Variants in MICA observed in about 807,000 individuals in gnomAD.
MICA encodes HLA class I antigen.
Under a neutral mutation model 34.3 loss-of-function variants are expected in MICA, and 18 were observed. The ratio of observed to expected loss-of-function variants is 0.52; its 90% CI spans 0.36 to 0.78. The LOEUF (loss-of-function observed/expected upper bound fraction) is 0.78. MICA is among the 30% of genes least tolerant of loss of function. MICA has a pLI of 0.00. For missense variants in MICA, 333 were observed against 409.4 expected (o/e 0.81, Z 1.61); for synonymous variants, 135 against 156.9 (o/e 0.86, Z 1.04).
At chr6:31,413,420 C>T (rs188307346) in intron 5 of MICA, among the ~76,000 whole-genome samples, 3 of 152,048 alleles carry the variant, frequency 2.0e-5, no homozygotes, top group East Asian at 3.9e-4. Context: ...AAGGTGGTCA[C>T]TGCCTGGTAA....
In MICA at chr6:31,411,016, TTGGGTGGAAAGGTGA is replaced by T; in HGVS notation, c.326-50_326-36del. On this transcript the variant is annotated intron_variant, in intron 2 of 5. Coordinates refer to ENST00000449934, the MANE Select transcript of MICA (RefSeq NM_001177519.3). This position sits in a 1 kb window ranked among gnomAD's most constrained non-coding sequence, Gnocchi z 4.3. ...ATACCCCCTGGGCTGAGTTCCTCAC[TTGGGTGGAAAGGTGA>T]TGGGTTCGGGAATGGAGAAGTCACT... is the stretch of plus-strand genomic sequence containing the variant. 6.6e-7 allele frequency: 1 copy of T among 1,508,334 alleles called. No individual in the cohort carries two copies. 93.4% of individuals were successfully genotyped at this position (1,508,334 alleles called of 1,614,324 possible).
Position 31,411,264 on chromosome 6 carries a change from C to T in MICA, c.518C>T (p.Ala173Val), listed in dbSNP as rs1771129196. ...GTCAGGAATTTCTTGAAGGAAGATG[C>T]CATGAAGACCAAGACACACTATCAC... ...MNVRNFLKEDAMKTKTHYHAM... is the reference protein window; with the variant it reads ...MNVRNFLKEDVMKTKTHYHAM... The change falls in exon 3 of 6, where the codon GCC becomes GTC. Residue 173 changes from alanine (A) to valine (V), a missense_variant. Physicochemically the swap from Ala to Val is moderately conservative, Grantham distance 64 (BLOSUM62 0). Coordinates refer to ENST00000449934, the MANE Select transcript of MICA (RefSeq NM_001177519.3). This position sits in a 1 kb window ranked among gnomAD's most constrained non-coding sequence, Gnocchi z 4.3. The T allele has an allele frequency of 7.4e-6, 12 of 1,611,640 alleles. No individual in the cohort carries two copies. The highest frequency in any genetic ancestry group is 1.7e-5 in the Admixed American group (1 of 59,044).
chr6:31,415,226 G>A lies in MICA; in HGVS notation c.*244G>A, dbSNP rs998422389. On this transcript the variant is annotated 3_prime_UTR_variant, in exon 6 of 6. Coordinates refer to ENST00000449934, the MANE Select transcript of MICA (RefSeq NM_001177519.3). ...TTGGTGCCTCAGTTTCCTGACCTAT[G>A]AAACAGAGAAAATAAAAGCACTTAT... The A allele has an allele frequency of 4.1e-5, 26 of 626,770 alleles. 1 individual carries two copies. In the African/African-American group the frequency reaches 4.9e-4, roughly 12 times the overall value. The allele number at this position is 626,770 out of a possible 1,614,324, so 38.8% of individuals were successfully genotyped here. A position where few individuals can be genotyped will look rare whatever the true frequency, so the allele number is the denominator to read the frequency against.
intron 1 of MICA, 151 bp from the exon 2 acceptor site, chr6:31,410,392 A>C: frequency 1.9e-6 from 2 of 1,040,914 alleles, no homozygotes; most frequent in Non-Finnish European, 2.7e-6. Flanking sequence ...CCACCCTCAC[A>C]GTTTTCTTTG....
rs536194698 is a variant in MICA at position 31,411,581 on chromosome 6, C to T, written c.613+222C>T. Among the ~76,000 whole-genome samples the T allele has an allele frequency of 8.6e-5, 13 of 151,952 alleles. No individual in the cohort carries two copies. Among genetic ancestry groups the T allele is most frequent in the African/African-American group, 2.9e-4 (12 of 41,370 alleles). On this transcript the variant is annotated intron_variant, in intron 3 of 5. Coordinates refer to ENST00000449934, the MANE Select transcript of MICA (RefSeq NM_001177519.3). This position sits in a 1 kb window ranked among gnomAD's most constrained non-coding sequence, Gnocchi z 4.3. ...TAATCAGGGCAAGTAGAGGACCCTCCGACAGAATCCTGAGCCTGTGGTGGG... is the reference window on the plus strand; with the variant it reads ...TAATCAGGGCAAGTAGAGGACCCTCTGACAGAATCCTGAGCCTGTGGTGGG...
chr6:31,412,487 A>T, intron 5 of MICA, 27 bp downstream of exon 5: 2 of 1,432,400 alleles, frequency 1.4e-6, no homozygotes, highest in Non-Finnish European at 1.9e-6. Flanking sequence ...GTTTCTGGAG[A>T]TGGTAAGGCC....
intron 1 of MICA, among the ~76,000 whole-genome samples, chr6:31,405,489 G>A (rs995958127): frequency 6.6e-6 from 1 of 151,546 alleles, no homozygotes; most frequent in African/African-American, 2.4e-5. Flanking sequence ...TTTTGACACA[G>A]GCCTACAATA....
intron 1 of MICA, among the ~76,000 whole-genome samples, chr6:31,405,363 A>C: frequency 6.8e-6 from 1 of 146,534 alleles, no homozygotes; most frequent in African/African-American, 2.6e-5. Context: ...CTCCCCCTCT[A>C]CCTTGGTTTT....
In MICA at chr6:31,412,149, T is replaced by G; in HGVS notation, c.816T>G (p.Ile272Met). The G allele has an allele frequency of 6.2e-7, 1 of 1,612,812 alleles. No individual in the cohort carries two copies. The highest frequency in any genetic ancestry group is 8.5e-7 in the Non-Finnish European group (1 of 1,179,886). The change falls in exon 4 of 6, where the codon ATT becomes ATG. Residue 272 changes from isoleucine (I) to methionine (M), a missense_variant. By Grantham distance (10) the Ile-to-Met change is conservative. Coordinates refer to ENST00000449934, the MANE Select transcript of MICA (RefSeq NM_001177519.3). ...ACCAGACCTGGGTGGCCACCAGGAT[T>G]TGCCGAGGAGAGGAGCAGAGGTTCA... ...GTYQTWVATRICRGEEQRFTC... is the reference protein window; with the variant it reads ...GTYQTWVATRMCRGEEQRFTC...
chr6:31,408,860 C>T (rs1770896763), intron 1 of MICA, among the ~76,000 whole-genome samples: 1 of 151,570 alleles, frequency 6.6e-6, no homozygotes, highest in Non-Finnish European at 1.5e-5. Context: ...TAAAAGTTAG[C>T]CGGGCGTGAT....
chr6:31,415,128 G>C lies in MICA; in HGVS notation c.*146G>C. 9.0e-7 allele frequency: 1 copy of C among 1,109,898 alleles called. No homozygotes were observed. The highest frequency in any genetic ancestry group is 1.4e-6 in the Non-Finnish European group (1 of 736,580). The allele number at this position is 1,109,898 out of a possible 1,614,324, so 68.8% of individuals were successfully genotyped here. A position where few individuals can be genotyped will look rare whatever the true frequency, so the allele number is the denominator to read the frequency against. ...AGCTCTTGGGTCCACTGGCTCCACT[G>C]AGGGCACCTAGACTCTACAGCCAGG... On this transcript the variant is annotated 3_prime_UTR_variant, in exon 6 of 6. Transcript: ENST00000449934.
intron 5 of MICA, among the ~76,000 whole-genome samples, chr6:31,413,139 G>C (rs931891825): frequency 6.6e-6 from 1 of 151,824 alleles, no homozygotes; most frequent in Admixed American, 6.6e-5. Flanking sequence ...TGCACCATTC[G>C]AGGCCCTACT....
Position 31,414,993 on chromosome 6 carries a change from A to G in MICA, c.*30-19A>G, listed in dbSNP as rs9266824. 0.3 allele frequency: 436,460 copies of G among 1,467,806 alleles called. 69,554 individuals are homozygous for G. Among genetic ancestry groups the G allele is most frequent in the African/African-American group, 0.43 (30,890 of 71,248 alleles). The allele number at this position is 1,467,806 out of a possible 1,614,324, so 90.9% of individuals were successfully genotyped here. On this transcript the variant is annotated intron_variant, in intron 5 of 5. Coordinates refer to ENST00000449934, the MANE Select transcript of MICA (RefSeq NM_001177519.3). ...ACTGCACCCAGTGGAGCATTTACCC[A>G]TTTCCCTCTTTTCTCCAGAGCTCGT...
At chr6:31,410,832 G>A in intron 2 of MICA, 35 bp downstream of exon 2, 2 of 1,539,018 alleles carry the variant, frequency 1.3e-6, no homozygotes, top group Non-Finnish European at 1.8e-6. Context: ...GACTGGAGAG[G>A]CCTTTTCCAG....
At chr6:31,407,095 A>G (rs577826914) in intron 1 of MICA, among the ~76,000 whole-genome samples, 45 of 151,902 alleles carry the variant, frequency 3.0e-4, no homozygotes, top group Admixed American at 6.6e-5. Flanking sequence ...GAAGAATGTC[A>G]TTAGTGTTTT....
intron 5 of MICA, among the ~76,000 whole-genome samples, chr6:31,413,474 GTTGT>G (rs1771323745): frequency 1.3e-5 from 2 of 151,886 alleles, no homozygotes; most frequent in Non-Finnish European, 1.5e-5. Flanking sequence ...CTACAGTCAG[GTTGT>G]TTGATGGGGG....
In MICA at chr6:31,403,790, T is replaced by A; in HGVS notation, c.70+88T>A. The A allele has an allele frequency of 1.6e-6, 2 of 1,288,896 alleles. No homozygotes were observed. The highest frequency in any genetic ancestry group is 2.1e-6 in the Non-Finnish European group (2 of 945,870). The allele number at this position is 1,288,896 out of a possible 1,614,324, so 79.8% of individuals were successfully genotyped here. On this transcript the variant is annotated intron_variant, in intron 1 of 5. Coordinates refer to ENST00000449934, the MANE Select transcript of MICA (RefSeq NM_001177519.3). The surrounding 1 kb of genome is among the most constrained non-coding windows in gnomAD (Gnocchi z 4.7). ...GTGGGTAGCGGCGAGCGCTGTGCGGTCAGGGCGGGGCTCCTGTGCCCTGTC... is the reference window on the plus strand; with the variant it reads ...GTGGGTAGCGGCGAGCGCTGTGCGGACAGGGCGGGGCTCCTGTGCCCTGTC...
intron 1 of MICA, among the ~76,000 whole-genome samples, chr6:31,405,228 C>G (rs578207532): frequency 3.6e-4 from 55 of 151,176 alleles, no homozygotes; most frequent in Middle Eastern, 3.4e-3. Flanking sequence ...CTTTTGGTTC[C>G]TTGACCCCAG....
intron 1 of MICA, among the ~76,000 whole-genome samples, chr6:31,406,559 A>T (rs995301553): frequency 6.6e-6 from 1 of 151,620 alleles, no homozygotes; most frequent in Non-Finnish European, 1.5e-5. Context: ...TTTTTACTTG[A>T]TATGATCCCA....
Sources: gnomAD v4.1 joint callset for allele counts (sites outside exome capture counted in the v4.1 genomes callset) on GRCh38, gnomAD v4.1.1 for gene constraint, Gnocchi (gnomAD v3.1) non-coding constraint, MANE v1.5 for transcripts, NCBI Gene and HGNC (gene_info 2026-07-23, HGNC 2026-07-21) for gene names.